COL11A2: variants seen among roughly 807,000 people sequenced by gnomAD.
The protein encoded by COL11A2 is collagen type XI alpha 2 chain, also known as collagen alpha-2(XI) chain.
COL11A2 carries 116 observed loss-of-function variants against 273.4 expected under a neutral mutation model. That is an observed-to-expected ratio of 0.42 (90% CI 0.36 to 0.49). The LOEUF (loss-of-function observed/expected upper bound fraction) is 0.49, where lower values mean the gene tolerates loss of function less well. Ranked by LOEUF, COL11A2 falls within the 20% of genes least tolerant of loss-of-function variation. COL11A2 has a pLI of 0.00. For synonymous variants in COL11A2, 782 were observed against 864.2 expected, an observed-to-expected ratio of 0.90 and a Z score of 1.67; for missense variants, 1,866 against 2,309.0, an observed-to-expected ratio of 0.81 and a Z score of 3.93.
In COL11A2 at chr6:33,184,231, C is replaced by A; in HGVS notation, c.1033G>T (p.Asp345Tyr). 4.4e-6 allele frequency: 6 copies of A among 1,367,624 alleles called. No homozygotes were observed. Among genetic ancestry groups the A allele is most frequent in the Non-Finnish European group, 5.9e-6 (6 of 1,021,984 alleles). 84.7% of individuals were successfully genotyped at this position (1,367,624 alleles called of 1,614,324 possible). The change falls in exon 8 of 66, where the codon GAT becomes TAT. Residue 345 changes from aspartate to tyrosine, a missense_variant. Coordinates refer to ENST00000341947, the MANE Select transcript of COL11A2 (RefSeq NM_080680.3). Reference protein sequence around the residue: ...GGTDPPEGPYDYTYGYGDDYR... With the variant: ...GGTDPPEGPYYYTYGYGDDYR... Reference sequence around the variant, plus strand: ...TCATCCCCATAGCCATAGGTGTAATCGTAGGGCCCTTCAGGGGGGTCTGTG... The same window carrying A: ...TCATCCCCATAGCCATAGGTGTAATAGTAGGGCCCTTCAGGGGGGTCTGTG...
chr6:33,180,537 C>T, intron 11 of COL11A2, 131 bp downstream of exon 11: 1 of 995,222 alleles, frequency 1.0e-6, no homozygotes, highest in Non-Finnish European at 1.5e-6. Context: ...TTTCTGGTTG[C>T]TGGGAAGCAC....
chr6:33,192,457 C>T lies in COL11A2; in HGVS notation c.-217G>A. On this transcript the variant is annotated 5_prime_UTR_variant, in exon 1 of 66. Transcript: ENST00000341947. Reference sequence around the variant, plus strand: ...GCACTGCTCCCTCCTCGGTGGCTGCCGCTTCTGTGTGTCCCCGGCCACCCT... The same window carrying T: ...GCACTGCTCCCTCCTCGGTGGCTGCTGCTTCTGTGTGTCCCCGGCCACCCT... 1.7e-6 allele frequency: 1 copy of T among 592,082 alleles called. No homozygotes were observed. The allele number at this position is 592,082 out of a possible 1,614,324, so 36.7% of individuals were successfully genotyped here.
At position 33,192,408 on chromosome 6, in the gene COL11A2, A is replaced by T; in HGVS notation, c.-168T>A. ...AGCTGTCAGCGGCCCAGCTCCATGC[A>T]GCAAGGCGCCGTCGGGGCTCCCGGC... On this transcript the variant is annotated 5_prime_UTR_variant, in exon 1 of 66. Transcript: ENST00000341947. 1.5e-6 allele frequency: 1 copy of T among 680,520 alleles called. No individual in the cohort carries two copies. Among genetic ancestry groups the T allele is most frequent in the Non-Finnish European group, 2.6e-6 (1 of 391,666 alleles). The allele number at this position is 680,520 out of a possible 1,614,324, so 42.2% of individuals were successfully genotyped here. A position where few individuals can be genotyped will look rare whatever the true frequency, so the allele number is the denominator to read the frequency against.
intron 11 of COL11A2, 142 bp downstream of exon 11, chr6:33,180,526 C>T: frequency 1.0e-6 from 1 of 955,392 alleles, no homozygotes; most frequent in Non-Finnish European, 1.6e-6. Context: ...GTCTGCCCTC[C>T]TTTCTGGTTG....
In COL11A2 at chr6:33,189,138, C is replaced by G. The variant is rs139813387; in HGVS notation, c.283G>C (p.Gly95Arg). ...AGAGTCAGGAGGGGAGCTTGGAGAC[C>G]AGGGCGGGTCCGGACAACAGTCAGC... ...SLLTVVRTRP[G>R]LQAPLLTLYS... The change falls in exon 3 of 66, where the codon GGT becomes CGT. Residue 95 changes from glycine (G) to arginine (R), a missense_variant. By Grantham distance (125) the Gly-to-Arg change is moderately radical. Transcript: ENST00000341947. This position sits in a 1 kb window ranked among gnomAD's most constrained non-coding sequence, Gnocchi z 5.6. The G allele has an allele frequency of 3.1e-6, 5 of 1,613,904 alleles. No homozygotes were observed. The African/African-American group carries it at 6.7e-5, about 22-fold the overall frequency.
At position 33,166,536 on chromosome 6, in the gene COL11A2, G is replaced by C; in HGVS notation, c.4369C>G (p.Pro1457Ala). 6.2e-7 allele frequency: 1 copy of C among 1,613,824 alleles called. No individual in the cohort carries two copies. The highest frequency in any genetic ancestry group is 8.5e-7 in the Non-Finnish European group (1 of 1,179,858). Residue 1457 changes from proline (P) to alanine (A), a missense_variant, in exon 60 of 66, where the codon CCT (proline) becomes GCT (alanine). By Grantham distance (27) the Pro-to-Ala change is conservative. Transcript: ENST00000341947. This position sits in a 1 kb window ranked among gnomAD's most constrained non-coding sequence, Gnocchi z 4.8. ...ACGGGGAGGCCGGGGGGACCTCCAG[G>C]ACCAATGGGGCCGGATGCTCCTGGG... The part of the protein sequence containing the change: ...GIPGASGPIG[P>A]GGPPGLPGPA...
At chr6:33,174,110 C>A (rs1359829940) in intron 32 of COL11A2, 55 bp from the exon 33 acceptor site, 1 of 1,611,872 alleles carries the variant, frequency 6.2e-7, no homozygotes, top group Non-Finnish European at 8.5e-7. Flanking sequence ...CCCACAGACC[C>A]CCTCTACACC....
chr6:33,176,225 T>G lies in COL11A2; in HGVS notation c.2214+34A>C, dbSNP rs1770873510. Reference sequence around the variant, plus strand: ...CAGTGAAGAGAGGAGATGGCAGGACTGAGGTGCTGGGAAGCTGGGGGCATG... The same window carrying G: ...CAGTGAAGAGAGGAGATGGCAGGACGGAGGTGCTGGGAAGCTGGGGGCATG... On this transcript the variant is annotated intron_variant, in intron 28 of 65. Coordinates refer to ENST00000341947, the MANE Select transcript of COL11A2 (RefSeq NM_080680.3). This position sits in a 1 kb window ranked among gnomAD's most constrained non-coding sequence, Gnocchi z 4.9. The G allele has an allele frequency of 6.2e-7, 1 of 1,609,340 alleles. No individual in the cohort carries two copies. Among genetic ancestry groups the G allele is most frequent in the Non-Finnish European group, 8.5e-7 (1 of 1,177,986 alleles).
chr6:33,185,053 T>A lies in COL11A2; in HGVS notation c.878A>T (p.Asp293Val), dbSNP rs1327750717. 6.5e-7 allele frequency: 1 copy of A among 1,550,220 alleles called. No homozygotes were observed. The highest frequency in any genetic ancestry group is 2.4e-5 in the East Asian group (1 of 40,866). The stretch of plus-strand genomic sequence containing the variant: ...TTCTTCCTCTTCACCTGGGGTGGGG[T>A]CCTGACCCCAAGGAGAGAAGGAGAA... The part of the protein sequence containing the change: ...MTTGTTPDYQ[D>V]PTPGEEEEIL... The change falls in exon 7 of 66, where the codon GAC becomes GTC. Residue 293 changes from aspartate to valine, a missense_variant and splice_region_variant. Asp to Val is a radical substitution (Grantham distance 152). Coordinates refer to ENST00000341947, the MANE Select transcript of COL11A2 (RefSeq NM_080680.3).
At position 33,165,604 on chromosome 6, in the gene COL11A2, G is replaced by C. The variant is rs763020874; in HGVS notation, c.4695C>G (p.Asp1565Glu). Reference protein sequence around the residue: ...EQMRRPTGTQDSPARTCQDLK... With the variant: ...EQMRRPTGTQESPARTCQDLK... ...GGTCCTGGCAGGTGCGAGCAGGGCT[G>C]TCCTGGGTCCCTGTTGGCCGCCTCA... is the stretch of plus-strand genomic sequence containing the variant. The change falls in exon 63 of 66, where the codon GAC becomes GAG. Residue 1565 changes from aspartate (D) to glutamate (E), a missense_variant. Coordinates refer to ENST00000341947, the MANE Select transcript of COL11A2 (RefSeq NM_080680.3). This position sits in a 1 kb window ranked among gnomAD's most constrained non-coding sequence, Gnocchi z 7.7. 1 of 1,613,462 alleles carries C rather than the reference G, an allele frequency of 6.2e-7. No individual in the cohort carries two copies. Among genetic ancestry groups the C allele is most frequent in the Non-Finnish European group, 8.5e-7 (1 of 1,180,014 alleles).
At position 33,175,611 on chromosome 6, in the gene COL11A2, G is replaced by A. The variant is rs1029464421; in HGVS notation, c.2339C>T (p.Thr780Ile). 2 of 1,612,864 alleles carry A rather than the reference G, an allele frequency of 1.2e-6. No homozygotes were observed. The highest frequency in any genetic ancestry group is 1.7e-6 in the Non-Finnish European group (2 of 1,180,024). Residue 780 changes from threonine to isoleucine, a missense_variant, in exon 30 of 66, where the codon ACT becomes ATT. By Grantham distance (89) the Thr-to-Ile change is moderately conservative. Transcript: ENST00000341947. ...GAGCCCTGGGGGCCCAGGGTCTCCAGTCGGTCCAGTGCGTCCCTTTGGCCC... is the reference window on the plus strand; with the variant it reads ...GAGCCCTGGGGGCCCAGGGTCTCCAATCGGTCCAGTGCGTCCCTTTGGCCC... Reference protein sequence around the residue: ...PEGPKGRTGPTGDPGPPGLMG... With the variant: ...PEGPKGRTGPIGDPGPPGLMG...
chr6:33,184,259 A>T lies in COL11A2; in HGVS notation c.1005T>A (p.Gly335=), dbSNP rs1288780147. 75 of 1,367,270 alleles carry T rather than the reference A, an allele frequency of 5.5e-5. 8 individuals are homozygous for T. Among genetic ancestry groups the T allele is most frequent in the East Asian group, 3.2e-4 (7 of 21,948 alleles). 84.7% of individuals were successfully genotyped at this position (1,367,270 alleles called of 1,614,324 possible). A position where few individuals can be genotyped will look rare whatever the true frequency, so the allele number is the denominator to read the frequency against. Residue 335 remains glycine (G), a synonymous_variant, in exon 8 of 66, where the codon GGT becomes GGA. Coordinates refer to ENST00000341947, the MANE Select transcript of COL11A2 (RefSeq NM_080680.3). ...DRFQAEEYGE[G]GTDPPEGPYD... ...AGGGCCCTTCAGGGGGGTCTGTGCC[A>T]CCCTCCCCATATTCCTCTGCCTGGA...
Position 33,178,457 on chromosome 6 carries a change from G to A in COL11A2, c.1751C>T (p.Pro584Leu), listed in dbSNP as rs1259453430. 6.2e-7 allele frequency: 1 copy of A among 1,612,948 alleles called. No individual in the cohort carries two copies. The highest frequency in any genetic ancestry group is 1.3e-5 in the African/African-American group (1 of 74,994). Residue 584 changes from proline (P) to leucine (L), a missense_variant, in exon 19 of 66, where the codon CCC becomes CTC. Physicochemically the swap from Pro to Leu is moderately conservative, Grantham distance 98. Coordinates refer to ENST00000341947, the MANE Select transcript of COL11A2 (RefSeq NM_080680.3). The surrounding 1 kb of genome is among the most constrained non-coding windows in gnomAD (Gnocchi z 4.6). ...GDTGAQGLPG[P>L]PGEDGERGDD... ...TACCCTCTCTCCATCCTCACCAGGG[G>A]GACCAGGAAGGCCCTGGGCACCAGT...
chr6:33,176,268 C>T lies in COL11A2; in HGVS notation c.2205G>A (p.Lys735=), dbSNP rs777610997. 2 of 1,607,854 alleles carry T rather than the reference C, an allele frequency of 1.2e-6. No homozygotes were observed. The highest frequency in any genetic ancestry group is 2.2e-5 in the East Asian group (1 of 44,778). The part of the protein sequence containing the change: ...VDGIRGLKGH[K]GEKGEDGFPG... ...GGGGCATGGTGCTCACCTTCTCACC[C>T]TTATGACCCTTCAGACCCCGAATTC... Residue 735 remains lysine, a synonymous_variant, in exon 28 of 66, where the codon AAG becomes AAA. Coordinates refer to ENST00000341947, the MANE Select transcript of COL11A2 (RefSeq NM_080680.3). This position sits in a 1 kb window ranked among gnomAD's most constrained non-coding sequence, Gnocchi z 4.9.
At chr6:33,181,516 C>T (rs1771737189) in intron 8 of COL11A2, among the ~76,000 whole-genome samples, 1 of 152,046 alleles carries the variant, frequency 6.6e-6, no homozygotes, top group African/African-American at 2.4e-5. Flanking sequence ...GCTCTGTCAC[C>T]CAGGCTGAAG....
intron 8 of COL11A2, among the ~76,000 whole-genome samples, chr6:33,182,509 T>G (rs1389580481): frequency 6.6e-6 from 1 of 151,928 alleles, no homozygotes; most frequent in East Asian, 1.9e-4. Context: ...GTCAGTAGTT[T>G]GAGACCAGCC....
chr6:33,188,411 T>C lies in COL11A2; in HGVS notation c.557A>G (p.His186Arg), dbSNP rs1230151839. The change falls in exon 4 of 66, where the codon CAT becomes CGT. Residue 186 changes from histidine to arginine, a missense_variant. By Grantham distance (29) the His-to-Arg change is conservative. Coordinates refer to ENST00000341947, the MANE Select transcript of COL11A2 (RefSeq NM_080680.3). ...ACGGGCACCAAAGATGATCACTCCA[T>C]GGGTGTCCAATACTGGACGAGCACT... is the stretch of plus-strand genomic sequence containing the variant. ...PRSARPVLDTHGVIIFGARIL... is the reference protein window; with the variant it reads ...PRSARPVLDTRGVIIFGARIL... 4.3e-6 allele frequency: 7 copies of C among 1,613,020 alleles called. No individual in the cohort carries two copies. Among genetic ancestry groups the C allele is most frequent in the African/African-American group, 1.3e-5 (1 of 75,016 alleles).
chr6:33,184,868 T>A, intron 7 of COL11A2, 124 bp downstream of exon 7: 1 of 790,750 alleles, frequency 1.3e-6, no homozygotes, highest in Non-Finnish European at 2.1e-6. Context: ...AGGCCATCGA[T>A]GGAAATGAGG....
In COL11A2 at chr6:33,177,087, T is replaced by C. The variant is rs779664199; in HGVS notation, c.2017-42A>G. On this transcript the variant is annotated intron_variant, in intron 24 of 65. Transcript: ENST00000341947. The surrounding 1 kb of genome is among the most constrained non-coding windows in gnomAD (Gnocchi z 5.9). The stretch of plus-strand genomic sequence containing the variant: ...AGGCTCAGGGTCACTAGAGGGGTCA[T>C]GTCTGGACACAGACAAAATCCCAGC... The C allele has an allele frequency of 8.7e-6, 14 of 1,612,766 alleles. No homozygotes were observed. The highest frequency in any genetic ancestry group is 1.2e-5 in the Non-Finnish European group (14 of 1,179,884).
Sources: allele counts gnomAD v4.1 joint callset (sites outside exome capture counted in the v4.1 genomes callset), GRCh38; gene constraint gnomAD v4.1.1; non-coding constraint Gnocchi (gnomAD v3.1); transcripts MANE v1.5; gene names NCBI Gene and HGNC (gene_info 2026-07-23, HGNC 2026-07-21).